The following OPHN1 variants were observed in gnomAD, a reference collection of about 807,000 sequenced individuals.
The protein encoded by OPHN1 is oligophrenin-1.
OPHN1 carries 11 observed loss-of-function variants against 60.7 expected under a neutral mutation model. The ratio of observed to expected loss-of-function variants is 0.18; its 90% CI spans 0.11 to 0.30. The LOEUF (loss-of-function observed/expected upper bound fraction) is 0.30, where lower values mean the gene tolerates loss of function less well. Ranked by LOEUF, OPHN1 falls within the 10% of genes least tolerant of loss-of-function variation. OPHN1 has a pLI of 1.00. For missense variants in OPHN1, 449 were observed against 611.0 expected, an observed-to-expected ratio of 0.73 and a Z score of 2.80; for synonymous variants, 226 against 222.6, an observed-to-expected ratio of 1.02 and a Z score of -0.14.
intron 15 of OPHN1, among the ~76,000 whole-genome samples, chrX:68,151,047 A>T (rs968917626): frequency 8.9e-5 from 10 of 111,914 alleles, no homozygotes; most frequent in Non-Finnish European, 1.9e-4. Flanking sequence ...AAAATGCAGG[A>T]CTATGACACC....
At chrX:68,331,402 G>A (rs1286869613) in intron 2 of OPHN1, among the ~76,000 whole-genome samples, 3 of 109,377 alleles carry the variant, frequency 2.7e-5, no homozygotes, top group African/African-American at 9.9e-5. Context: ...AGAGGTAAAC[G>A]CAGATTTCAC....
chrX:68,368,413 G>T (rs1319232001), intron 2 of OPHN1, among the ~76,000 whole-genome samples: 1 of 110,893 alleles, frequency 9.0e-6, no homozygotes, highest in Non-Finnish European at 1.9e-5. Flanking sequence ...ATGGTGTTGT[G>T]CACCCGTAGT....
intron 5 of OPHN1, among the ~76,000 whole-genome samples, chrX:68,251,170 C>G (rs2077832018): frequency 9.5e-6 from 1 of 105,577 alleles, no homozygotes; most frequent in South Asian, 4.4e-4. Context: ...CCCAACACCC[C>G]TCCTCAAATG....
chrX:68,132,426 A>G (rs1206920706), intron 15 of OPHN1, among the ~76,000 whole-genome samples: 19 of 107,819 alleles, frequency 1.8e-4, no homozygotes, highest in African/African-American at 6.4e-4. Flanking sequence ...GGAAACCATC[A>G]TTGTCAGTAA....
intron 15 of OPHN1, among the ~76,000 whole-genome samples, chrX:68,128,196 C>T (rs2077179534): frequency 9.1e-6 from 1 of 109,596 alleles, no homozygotes; most frequent in East Asian, 2.9e-4. Context: ...ACTATAGGCC[C>T]GCACCACCAT....
intron 3 of OPHN1, among the ~76,000 whole-genome samples, chrX:68,292,282 T>C (rs896405186): frequency 3.6e-5 from 4 of 111,755 alleles, no homozygotes; most frequent in African/African-American, 1.3e-4. Context: ...GTCAGAATTA[T>C]TATGTTATGT....
chrX:68,349,964 C>T (rs2078399391), intron 2 of OPHN1, among the ~76,000 whole-genome samples: 2 of 110,768 alleles, frequency 1.8e-5, no homozygotes, highest in Admixed American at 9.7e-5. Context: ...ATGTAGGTGA[C>T]GGGTTGAGGA....
chrX:68,056,078 T>C (rs2076871906), intron 21 of OPHN1, among the ~76,000 whole-genome samples: 1 of 110,803 alleles, frequency 9.0e-6, no homozygotes, highest in African/African-American at 3.3e-5. Context: ...GTTGTACACA[T>C]GTACTTCAGA....
chrX:68,366,962 A>C (rs2078501776), intron 2 of OPHN1, among the ~76,000 whole-genome samples: 1 of 111,611 alleles, frequency 9.0e-6, no homozygotes, highest in African/African-American at 3.3e-5. Flanking sequence ...CCAGGACGCT[A>C]CTGTAAGTTA....
chrX:68,275,570 A>G (rs1264320520), intron 4 of OPHN1, among the ~76,000 whole-genome samples: 1 of 111,110 alleles, frequency 9.0e-6, no homozygotes, highest in Admixed American at 9.6e-5. Flanking sequence ...AAAATGGAAG[A>G]CCCTAGAGAA....
At chrX:68,205,969 A>AGTGT (rs1178548038) in intron 10 of OPHN1, among the ~76,000 whole-genome samples, 861 of 48,035 alleles carry the variant, frequency 0.018, 7 homozygotes, top group African/African-American at 0.043. Flanking sequence ...TGTGTGTGTG[A>AGTGT]GTGTGTGTGA....
chrX:68,373,678 C>T (rs2078540889), intron 2 of OPHN1, among the ~76,000 whole-genome samples: 2 of 111,929 alleles, frequency 1.8e-5, no homozygotes, highest in Non-Finnish European at 1.9e-5. Flanking sequence ...TGAAATTAAA[C>T]CTCAAAATTT....
intron 5 of OPHN1, among the ~76,000 whole-genome samples, chrX:68,257,177 A>G (rs756285462): frequency 4.4e-5 from 5 of 112,710 alleles, no homozygotes; most frequent in African/African-American, 1.6e-4. Context: ...TATTCACTTC[A>G]TTACAATGGT....
chrX:68,210,380 C>A (rs1176068530), intron 8 of OPHN1, 98 bp from the exon 9 acceptor site: 15 of 857,292 alleles, frequency 1.7e-5, no homozygotes, highest in Non-Finnish European at 2.3e-5. Flanking sequence ...TCCCTGCTTA[C>A]AGCATGTGCA....
chrX:68,056,536 C>T (rs2076873842), intron 21 of OPHN1, among the ~76,000 whole-genome samples: 1 of 111,426 alleles, frequency 9.0e-6, no homozygotes, highest in Non-Finnish European at 1.9e-5. Flanking sequence ...CTGCATCTTA[C>T]GTTCTGGACA....
In OPHN1 at chrX:68,219,482, T is replaced by A. The variant is rs1360776095; in HGVS notation, c.487-5510A>T. ...CCCAAATCAACAGAATATACATTTT[T>A]CTCAGCACCACACCACACCTATTCC... On this transcript the variant is annotated intron_variant, in intron 6 of 24. Coordinates refer to ENST00000355520, the MANE Select transcript of OPHN1 (RefSeq NM_002547.3). Among the ~76,000 whole-genome samples, 571 of 108,673 alleles carry A rather than the reference T, an allele frequency of 5.3e-3. 6 individuals carry two copies. The highest frequency in any genetic ancestry group is 0.018 in the African/African-American group (547 of 29,765). 94.4% of individuals were successfully genotyped at this position (108,673 alleles called of 115,157 possible).
intron 2 of OPHN1, among the ~76,000 whole-genome samples, chrX:68,333,357 C>A (rs1279122236): frequency 9.1e-6 from 1 of 110,284 alleles, no homozygotes; most frequent in African/African-American, 3.3e-5. Context: ...ACACATGCGG[C>A]CGGGCACGGT....
At chrX:68,402,389 GAA>G (rs1388615556) in intron 2 of OPHN1, among the ~76,000 whole-genome samples, 68 of 24,680 alleles carry the variant, frequency 2.8e-3, no homozygotes, top group Non-Finnish European at 0.015. Context: ...AAGAGAGAAA[GAA>G]GAGAAGAGAA....
At chrX:68,296,669 AG>A (rs1216133606) in intron 3 of OPHN1, among the ~76,000 whole-genome samples, 1 of 105,681 alleles carries the variant, frequency 9.5e-6, no homozygotes, top group African/African-American at 3.5e-5. Context: ...AAAAAAAAAA[AG>A]AAGCAAAAGA....
Sources: gnomAD v4.1 joint callset for allele counts (sites outside exome capture counted in the v4.1 genomes callset) on GRCh38, gnomAD v4.1.1 for gene constraint, MANE v1.5 for transcripts, NCBI Gene and HGNC (gene_info 2026-07-23, HGNC 2026-07-21) for gene names.